Variants in CD96 observed in about 807,000 individuals in gnomAD.
The protein encoded by CD96 is CD96 molecule.
A neutral mutation model predicts 71.3 loss-of-function variants in CD96; 70 were observed. The ratio of observed to expected loss-of-function variants is 0.98; its 90% confidence interval spans 0.81 to 1.20. CD96 has a LOEUF of 1.20. CD96 is among the 50% of genes most tolerant of loss of function. CD96 has a pLI of 0.00. For synonymous variants in CD96, 248 were observed against 233.0 expected, an observed-to-expected ratio of 1.06 and a Z score of -0.59; for missense variants, 742 against 677.5, an observed-to-expected ratio of 1.10 and a Z score of -1.06.
chr3:111,644,013 G>A (rs1271295878), intron 12 of CD96, among the ~76,000 whole-genome samples: 1 of 152,048 alleles, frequency 6.6e-6, no homozygotes, highest in African/African-American at 2.4e-5. Context: ...AACCAAAAAA[G>A]AGCCCACATA....
intron 5 of CD96, chr3:111,593,092 T>C (rs1168198949): frequency 6.4e-6 from 1 of 156,158 alleles, no homozygotes; most frequent in Non-Finnish European, 1.4e-5. Flanking sequence ...AAGACCTCAG[T>C]CCTAGGAAGA....
At chr3:111,554,951 G>T (rs1310979128) in intron 2 of CD96, among the ~76,000 whole-genome samples, 1 of 151,942 alleles carries the variant, frequency 6.6e-6, no homozygotes, top group Non-Finnish European at 1.5e-5. Flanking sequence ...ACACAACCTA[G>T]ATCCCTCAAA....
At chr3:111,585,439 A>G (rs2107602946) in intron 5 of CD96, 61 bp downstream of exon 5, 3 of 1,088,972 alleles carry the variant, frequency 2.8e-6, no homozygotes, top group South Asian at 1.2e-5. Flanking sequence ...GTCAGGTTGC[A>G]TAGTTGCCAG....
chr3:111,647,438 C>T (rs1939883862), intron 12 of CD96, 105 bp from the exon 13 acceptor site: 1 of 1,008,190 alleles, frequency 9.9e-7, no homozygotes, highest in South Asian at 1.3e-5. Flanking sequence ...ATGATCACAG[C>T]CAATGTTGAA....
At chr3:111,551,988 A>G (rs1461091298) in intron 2 of CD96, among the ~76,000 whole-genome samples, 2 of 152,104 alleles carry the variant, frequency 1.3e-5, no homozygotes, top group African/African-American at 4.8e-5. Flanking sequence ...AATAATAGCC[A>G]TTCTGAGTGG....
At chr3:111,630,857 C>T (rs10140171) in intron 10 of CD96, among the ~76,000 whole-genome samples, 1 of 152,186 alleles carries the variant, frequency 6.6e-6, no homozygotes, top group Non-Finnish European at 1.5e-5. Context: ...GTTCTACATA[C>T]ACTAATTAAT....
intron 10 of CD96, among the ~76,000 whole-genome samples, chr3:111,631,630 GA>G (rs201819541): frequency 0.12 from 16,784 of 142,648 alleles, 1,379 homozygotes; most frequent in East Asian, 0.27. Flanking sequence ...CACAGAACTG[GA>G]AAAAAAAAAA....
rs186801975 is a variant in CD96 at position 111,601,990 on chromosome 3, C to T, written c.1087+1076C>T. On this transcript the variant is annotated intron_variant, in intron 7 of 13. Coordinates refer to ENST00000352690, the MANE Select transcript of CD96 (RefSeq NM_005816.5). ...GTCTGTGTATATGTATATGTATGAA[C>T]ACATCATCCTGTGTACTTTGAGTTA... Among the ~76,000 whole-genome samples, 426 of 152,286 alleles carry T rather than the reference C, an allele frequency of 2.8e-3. 3 individuals carry two copies. The highest frequency in any genetic ancestry group is 9.5e-3 in the African/African-American group (395 of 41,552).
Position 111,545,180 on chromosome 3 carries a change from G to A in CD96, c.196G>A (p.Asp66Asn). 3.1e-6 allele frequency: 5 copies of A among 1,614,202 alleles called. No homozygotes were observed. Among genetic ancestry groups the A allele is most frequent in the African/African-American group, 2.7e-5 (2 of 75,046 alleles). ...ATGGTCCAAGGTCACCAATAAGATA[G>A]ACCTGATTGCTGTCTATCATCCCCA... is the stretch of plus-strand genomic sequence containing the variant. ...MQWSKVTNKI[D>N]LIAVYHPQYG... The change falls in exon 2 of 14, where the codon GAC (aspartate) becomes AAC (asparagine). Residue 66 changes from aspartate to asparagine, a missense_variant. Asp to Asn is a conservative substitution (Grantham distance 23). Coordinates refer to ENST00000352690, the MANE Select transcript of CD96 (RefSeq NM_005816.5).
rs200341777 is a variant in CD96 at position 111,651,883 on chromosome 3, CAAAAA to C, written c.*2089_*2093del. 4 of 96,628 alleles carry C rather than the reference CAAAAA, an allele frequency of 4.1e-5. No homozygotes were observed. The highest frequency in any genetic ancestry group is 3.3e-4 in the South Asian group (1 of 3,042). The allele number at this position is 96,628 out of a possible 1,614,324, so 6.0% of individuals were successfully genotyped here. A position where few individuals can be genotyped will look rare whatever the true frequency, so the allele number is the denominator to read the frequency against. ...TGGGTGAAAGACCGAGACTCCGCCT[CAAAAA>C]AAAAAAAAAAAGAAAGAAAGAAAGA... On this transcript the variant is annotated 3_prime_UTR_variant, in exon 14 of 14. Transcript: ENST00000352690.
chr3:111,603,701 G>T lies in CD96; in HGVS notation c.1087+2787G>T, dbSNP rs556725756. On this transcript the variant is annotated intron_variant, in intron 7 of 13. Transcript: ENST00000352690. ...TTCTGACTGTAGCTGTTGAGATCAA[G>T]ACCTTTGGGATAGAAACAGAGTTAA... Among the ~76,000 whole-genome samples, 29 of 152,324 alleles carry T rather than the reference G, an allele frequency of 1.9e-4. No individual in the cohort carries two copies. The East Asian group carries it at 3.5e-3, about 18-fold the overall frequency.
At chr3:111,585,873 A>G (rs1405180423) in intron 5 of CD96, among the ~76,000 whole-genome samples, 1 of 152,162 alleles carries the variant, frequency 6.6e-6, no homozygotes, top group Non-Finnish European at 1.5e-5. Flanking sequence ...GAAGGGCAGG[A>G]GAAAAAAGAA....
intron 8 of CD96, chr3:111,612,967 A>T (rs1938030796): frequency 5.5e-6 from 1 of 182,656 alleles, no homozygotes; most frequent in Non-Finnish European, 1.0e-5. Context: ...TGTAGATATG[A>T]ATCTACAGAA....
Position 111,560,465 on chromosome 3 carries a change from T to C in CD96, c.419-7058T>C, listed in dbSNP as rs1171152534. Among the ~76,000 whole-genome samples the C allele has an allele frequency of 4.3e-5, 6 of 139,408 alleles. No individual in the cohort carries two copies. In the East Asian group the frequency reaches 1.3e-3, roughly 29 times the overall value. The allele number at this position is 139,408 out of a possible 152,430, so 91.5% of individuals were successfully genotyped here. A position where few individuals can be genotyped will look rare whatever the true frequency, so the allele number is the denominator to read the frequency against. The stretch of plus-strand genomic sequence containing the variant: ...AAGTATTTAATTTCTCCTTCACTTA[T>C]GAAGCTTAGTTTGGCTGGATATGAA... On this transcript the variant is annotated intron_variant, in intron 2 of 13. Coordinates refer to ENST00000352690, the MANE Select transcript of CD96 (RefSeq NM_005816.5).
chr3:111,555,941 G>C (rs1373023432), intron 2 of CD96, among the ~76,000 whole-genome samples: 2 of 152,280 alleles, frequency 1.3e-5, no homozygotes, highest in African/African-American at 4.8e-5. Flanking sequence ...CTCTGAAGCT[G>C]TTTTCATTTC....
chr3:111,582,291 G>A (rs913838652), intron 4 of CD96, among the ~76,000 whole-genome samples: 1 of 152,194 alleles, frequency 6.6e-6, no homozygotes, highest in African/African-American at 2.4e-5. Flanking sequence ...TCTTTCCACT[G>A]AGTCATAGAA....
rs772285994 is a variant in CD96, at chr3:111,600,707, G to A, written c.899-19G>A. The stretch of plus-strand genomic sequence containing the variant: ...ACATAAAATGTTAGTGTTGAACCAT[G>A]TTCGTATCTGTCTGGCAGGAATATA... On this transcript the variant is annotated intron_variant, in intron 6 of 13. Transcript: ENST00000352690. 1.7e-5 allele frequency: 26 copies of A among 1,575,526 alleles called. No individual in the cohort carries two copies. Among genetic ancestry groups the A allele is most frequent in the Non-Finnish European group, 2.3e-5 (26 of 1,145,076 alleles).
At chr3:111,618,709 C>T (rs1576397967) in intron 8 of CD96, among the ~76,000 whole-genome samples, 1 of 151,318 alleles carries the variant, frequency 6.6e-6, no homozygotes, top group Non-Finnish European at 1.5e-5. Context: ...CTCAGCCTCT[C>T]GAGTAGCTGG....
intron 6 of CD96, among the ~76,000 whole-genome samples, chr3:111,598,735 G>C (rs1413863931): frequency 1.3e-5 from 2 of 152,154 alleles, no homozygotes; most frequent in Non-Finnish European, 2.9e-5. Flanking sequence ...ATGTTCCCCA[G>C]GAGGATTAAA....
Sources: gnomAD v4.1 joint callset for allele counts (sites outside exome capture counted in the v4.1 genomes callset) on GRCh38, gnomAD v4.1.1 for gene constraint, MANE v1.5 for transcripts, NCBI Gene and HGNC (gene_info 2026-07-23, HGNC 2026-07-21) for gene names.